The following KLHL14 variants were observed in gnomAD, a reference collection of about 807,000 sequenced individuals.
KLHL14 encodes kelch-like protein 14.
In KLHL14, 22 loss-of-function variants were observed where a neutral mutation model predicts 64.3. That is an observed-to-expected ratio of 0.34 (90% confidence interval 0.24 to 0.49). KLHL14 has a LOEUF of 0.49. KLHL14 is among the 20% of genes least tolerant of loss of function. The pLI is 0.99. For synonymous variants in KLHL14, 322 were observed against 333.4 expected (o/e 0.97, Z 0.37); for missense variants, 661 against 789.0 (o/e 0.84, Z 1.94).
chr18:32,695,412 C>T (rs1322525258), intron 4 of KLHL14, 51 bp downstream of exon 4: 2 of 1,104,860 alleles, frequency 1.8e-6, no homozygotes, highest in Non-Finnish European at 2.8e-6. Context: ...TGATGCCCTT[C>T]ATTACACACA....
chr18:32,744,256 C>G (rs1965500), intron 2 of KLHL14: 35,461 of 152,156 alleles, frequency 0.23, 4,873 homozygotes, highest in Non-Finnish European at 0.31. Context: ...AGGTGGATCA[C>G]CTGAGGTCAG....
chr18:32,695,582 T>C (rs756769315), intron 3 of KLHL14, 30 bp from the exon 4 acceptor site: 7 of 1,407,122 alleles, frequency 5.0e-6, no homozygotes, highest in Admixed American at 3.6e-5. Context: ...AAAAGACATA[T>C]GAAATTTTCC....
intron 5 of KLHL14, among the ~76,000 whole-genome samples, chr18:32,681,973 CTCTT>C (rs1240060402): frequency 6.6e-6 from 1 of 152,172 alleles, no homozygotes; most frequent in African/African-American, 2.4e-5. Context: ...TGATAATGGT[CTCTT>C]TCTCACAGGG....
At chr18:32,732,007 G>C (rs547019638) in intron 3 of KLHL14, among the ~76,000 whole-genome samples, 17 of 152,206 alleles carry the variant, frequency 1.1e-4, no homozygotes, top group Non-Finnish European at 2.1e-4. Context: ...GATCACCTGA[G>C]GTCAGGAGTT....
chr18:32,702,891 T>G (rs2049973378), intron 3 of KLHL14, among the ~76,000 whole-genome samples: 1 of 152,122 alleles, frequency 6.6e-6, no homozygotes, highest in South Asian at 2.1e-4. Context: ...TAAGTGAGTT[T>G]AAGGTGTATA....
chr18:32,720,506 T>A (rs933568795), intron 3 of KLHL14, among the ~76,000 whole-genome samples: 4 of 152,062 alleles, frequency 2.6e-5, no homozygotes, highest in African/African-American at 9.7e-5. Flanking sequence ...GATGTTTGGG[T>A]TTCTATTTGC....
At position 32,770,496 on chromosome 18, in the gene KLHL14, A is replaced by G; in HGVS notation, c.96T>C (p.Phe32=). ...CCTGGGCCGTCAGGGTCACGTCGCA[A>G]AACAGCTGCTTCCTCCACAGCAGGT... The part of the protein sequence containing the change: ...GLNLLWRKQL[F]CDVTLTAQGQ... The change falls in exon 2 of 9, where the codon TTT becomes TTC. Residue 32 remains phenylalanine (F), a synonymous_variant. Coordinates refer to ENST00000359358, the MANE Select transcript of KLHL14 (RefSeq NM_020805.3). The surrounding 1 kb of genome is among the most constrained non-coding windows in gnomAD (Gnocchi z 6.7). The G allele has an allele frequency of 2.5e-6, 4 of 1,611,764 alleles. No homozygotes were observed. The highest frequency in any genetic ancestry group is 3.4e-6 in the Non-Finnish European group (4 of 1,179,818).
intron 2 of KLHL14, chr18:32,744,656 G>A (rs1011831630): frequency 1.3e-5 from 2 of 152,060 alleles, no homozygotes; most frequent in Non-Finnish European, 2.9e-5. Context: ...AAAAAAAAAT[G>A]TGTTTAATGG....
At chr18:32,677,035 A>T in intron 8 of KLHL14, 138 bp downstream of exon 8, 1 of 938,096 alleles carries the variant, frequency 1.1e-6, no homozygotes. Context: ...CTATTTTACT[A>T]TCTAAAGCAA....
chr18:32,677,119 GA>G, intron 8 of KLHL14, 53 bp downstream of exon 8: 1 of 1,558,552 alleles, frequency 6.4e-7, no homozygotes, highest in South Asian at 1.2e-5. Context: ...GAAGGATACA[GA>G]AAACGTAAGC....
Position 32,770,659 on chromosome 18 carries a change from G to T in KLHL14, c.-43-25C>A. 3.8e-6 allele frequency: 4 copies of T among 1,055,776 alleles called. No individual in the cohort carries two copies. The highest frequency in any genetic ancestry group is 3.9e-6 in the Non-Finnish European group (3 of 763,974). 65.4% of individuals were successfully genotyped at this position (1,055,776 alleles called of 1,614,324 possible). A position where few individuals can be genotyped will look rare whatever the true frequency, so the allele number is the denominator to read the frequency against. Reference sequence around the variant, plus strand: ...CCTGGCAGACAGGGGTGGGGGATGGGAGGGAGGGGAGCAGGGTGGTGGAGC... The same window carrying T: ...CCTGGCAGACAGGGGTGGGGGATGGTAGGGAGGGGAGCAGGGTGGTGGAGC... On this transcript the variant is annotated intron_variant, in intron 1 of 8. Coordinates refer to ENST00000359358, the MANE Select transcript of KLHL14 (RefSeq NM_020805.3). This position sits in a 1 kb window ranked among gnomAD's most constrained non-coding sequence, Gnocchi z 6.7.
At chr18:32,691,928 C>T (rs1598550716) in intron 4 of KLHL14, among the ~76,000 whole-genome samples, 1 of 152,096 alleles carries the variant, frequency 6.6e-6, no homozygotes, top group Non-Finnish European at 1.5e-5. Context: ...GTGGCAGTTT[C>T]CAGCCAATGG....
chr18:32,693,399 CACACACACACACACAGAG>C (rs1433355732), intron 4 of KLHL14, among the ~76,000 whole-genome samples: 1 of 120,526 alleles, frequency 8.3e-6, no homozygotes, highest in Non-Finnish European at 1.8e-5. Context: ...CACACACACA[CACACACACACACACAGAG>C]AGAGAGAGAG....
intron 1 of KLHL14, chr18:32,772,329 C>A: frequency 3.7e-6 from 1 of 267,416 alleles, no homozygotes; most frequent in African/African-American, 2.3e-5. Flanking sequence ...CCGGCAGCAC[C>A]CCCACGCCCG....
chr18:32,725,828 C>T (rs2050105215), intron 3 of KLHL14, among the ~76,000 whole-genome samples: 1 of 152,194 alleles, frequency 6.6e-6, no homozygotes, highest in Admixed American at 6.5e-5. Flanking sequence ...GTTAGACTAT[C>T]TGAGTTTAAT....
At chr18:32,709,516 T>C (rs368073439) in intron 3 of KLHL14, among the ~76,000 whole-genome samples, 1 of 152,046 alleles carries the variant, frequency 6.6e-6, no homozygotes, top group East Asian at 1.9e-4. Context: ...GATGTGATCA[T>C]ATCTCACAGC....
At position 32,684,961 on chromosome 18, in the gene KLHL14, G is replaced by A. The variant is rs1173809210; in HGVS notation, c.1238+2194C>T. On this transcript the variant is annotated intron_variant, in intron 5 of 8. Coordinates refer to ENST00000359358, the MANE Select transcript of KLHL14 (RefSeq NM_020805.3). The stretch of plus-strand genomic sequence containing the variant: ...AGAGATGGAGCTGCAAGATTGACGG[G>A]GCATTTGTGAGATCTGCCTTTTCCC... Among the ~76,000 whole-genome samples, 3 of 152,048 alleles carry A rather than the reference G, an allele frequency of 2.0e-5. 1 individual carries two copies. The highest frequency in any genetic ancestry group is 4.4e-5 in the Non-Finnish European group (3 of 68,018).
intron 8 of KLHL14, among the ~76,000 whole-genome samples, chr18:32,675,025 G>A (rs113460571): frequency 8.6e-5 from 13 of 152,008 alleles, no homozygotes; most frequent in Admixed American, 2.6e-4. Context: ...AATAATAAAA[G>A]TTAAATAAAT....
intron 2 of KLHL14, among the ~76,000 whole-genome samples, chr18:32,758,491 C>T (rs1320825518): frequency 1.3e-5 from 2 of 152,160 alleles, no homozygotes; most frequent in African/African-American, 4.8e-5. Flanking sequence ...TAAAATGGTG[C>T]AGCTGCTTTG....
Sources: gnomAD v4.1 joint callset for allele counts (sites outside exome capture counted in the v4.1 genomes callset) on GRCh38, gnomAD v4.1.1 for gene constraint, Gnocchi (gnomAD v3.1) non-coding constraint, MANE v1.5 for transcripts, NCBI Gene and HGNC (gene_info 2026-07-23, HGNC 2026-07-21) for gene names.